Variants in EIF3A observed in about 807,000 individuals in gnomAD.
The protein encoded by EIF3A is eukaryotic translation initiation factor 3 subunit A, also known as EIF3, p180 subunit.
EIF3A carries 21 observed loss-of-function variants against 186.6 expected under a neutral mutation model. The ratio of observed to expected loss-of-function variants is 0.11; its 90% CI spans 0.08 to 0.16. The LOEUF (loss-of-function observed/expected upper bound fraction) is 0.16, where lower values mean the gene tolerates loss of function less well. Ranked by LOEUF, EIF3A falls within the 10% of genes least tolerant of loss-of-function variation. The pLI is 1.00. For missense variants in EIF3A, 1,306 were observed against 1,796.3 expected (o/e 0.73, Z 4.93); for synonymous variants, 563 against 584.3 (o/e 0.96, Z 0.52).
intron 7 of EIF3A, among the ~76,000 whole-genome samples, chr10:119,064,771 G>A (rs991649338): frequency 2.0e-5 from 3 of 152,150 alleles, no homozygotes; most frequent in South Asian, 2.1e-4. Context: ...GCAGCGGCAC[G>A]ATCTCAGCTC....
chr10:119,071,505 T>C (rs1479915513), intron 4 of EIF3A, among the ~76,000 whole-genome samples: 1 of 152,228 alleles, frequency 6.6e-6, no homozygotes, highest in Non-Finnish European at 1.5e-5. Context: ...TGAGGGCTTA[T>C]AGTAACCTAA....
rs757331563 is a variant in EIF3A at position 119,042,585 on chromosome 10, G to A, written c.2935C>T (p.Arg979Cys). The change falls in exon 19 of 22, where the codon CGT becomes TGT. Residue 979 changes from arginine (R) to cysteine (C), a missense_variant. Around this residue, in one of 8 missense-constraint regions of EIF3A, gnomAD observed 410 missense variants for 473.5 expected, o/e 0.87. Coordinates refer to ENST00000369144, the MANE Select transcript of EIF3A (RefSeq NM_003750.4). The surrounding 1 kb of genome is among the most constrained non-coding windows in gnomAD (Gnocchi z 7.8). ...GGCCGGTCATCGTCTGCCCCACGAC[G>A]AGAGAACCTATCTTCCTCAGGACCA... is the stretch of plus-strand genomic sequence containing the variant. Reference protein sequence around the residue: ...RRGPEEDRFSRRGADDDRPSW... With the variant: ...RRGPEEDRFSCRGADDDRPSW... The A allele has an allele frequency of 1.4e-5, 22 of 1,613,998 alleles. No homozygotes were observed. Among genetic ancestry groups the A allele is most frequent in the Non-Finnish European group, 1.8e-5 (21 of 1,179,998 alleles).
chr10:119,077,700 G>A (rs1346043719), intron 1 of EIF3A, among the ~76,000 whole-genome samples: 8 of 151,784 alleles, frequency 5.3e-5, no homozygotes, highest in African/African-American at 1.9e-4. Context: ...GACTACAGGT[G>A]CCCGCCACCA....
intron 21 of EIF3A, 47 bp downstream of exon 21, chr10:119,037,072 C>CCA: frequency 1.6e-6 from 1 of 639,982 alleles, no homozygotes; most frequent in Non-Finnish European, 2.3e-6. Flanking sequence ...CCCCCCCCCC[C>CCA]AGAAACGACA....
intron 12 of EIF3A, among the ~76,000 whole-genome samples, chr10:119,057,707 G>A (rs542960244): frequency 1.4e-4 from 22 of 152,178 alleles, no homozygotes; most frequent in Non-Finnish European, 2.8e-4. Flanking sequence ...CCCGGGAGGC[G>A]GAGGTTGCAG....
At position 119,069,596 on chromosome 10, in the gene EIF3A, G is replaced by T; in HGVS notation, c.800C>A (p.Pro267His). The change falls in exon 6 of 22, where the codon CCT becomes CAT. Residue 267 changes from proline to histidine, a missense_variant. By Grantham distance (77) the Pro-to-His change is moderately conservative. Around this residue, in one of 8 missense-constraint regions of EIF3A, gnomAD observed 267 missense variants for 367.8 expected, o/e 0.73. Coordinates refer to ENST00000369144, the MANE Select transcript of EIF3A (RefSeq NM_003750.4). The part of the protein sequence containing the change: ...HGLFSLSKKP[P>H]KPQLMANYYN... Reference sequence around the variant, plus strand: ...GTAATTTGCCATCAACTGAGGTTTAGGTGGTTTTTTAGACAAGGAGAATAG... The same window carrying T: ...GTAATTTGCCATCAACTGAGGTTTATGTGGTTTTTTAGACAAGGAGAATAG... The T allele has an allele frequency of 6.2e-7, 1 of 1,603,010 alleles. No homozygotes were observed. The highest frequency in any genetic ancestry group is 8.5e-7 in the Non-Finnish European group (1 of 1,169,950).
chr10:119,060,173 C>T (rs763856443), intron 9 of EIF3A: 1 of 496,890 alleles, frequency 2.0e-6, no homozygotes, highest in Non-Finnish European at 3.9e-6. Context: ...AAACGCCCTC[C>T]TTCCCAAATG....
chr10:119,045,837 G>A (rs1409774029), intron 17 of EIF3A, among the ~76,000 whole-genome samples: 1 of 152,200 alleles, frequency 6.6e-6, no homozygotes, highest in African/African-American at 2.4e-5. Context: ...AAAGTGCTGA[G>A]ATTATAGGCG....
intron 14 of EIF3A, among the ~76,000 whole-genome samples, chr10:119,053,676 C>T (rs1201575180): frequency 3.9e-5 from 6 of 151,906 alleles, no homozygotes; most frequent in African/African-American, 1.2e-4. Context: ...GCTGAGATCA[C>T]GCCACTGCAC....
In EIF3A at chr10:119,042,545, G is replaced by A. The variant is rs1848224216; in HGVS notation, c.2975C>T (p.Thr992Ile). Reference protein sequence around the residue: ...ADDDRPSWRNTDDDRPPRRIA... With the variant: ...ADDDRPSWRNIDDDRPPRRIA... ...TCGTCTGGGAGGCCTGTCATCATCT[G>A]TGTTACGCCAGGAAGGCCGGTCATC... The change falls in exon 19 of 22, where the codon ACA becomes ATA. Residue 992 changes from threonine to isoleucine, a missense_variant. Physicochemically the swap from Thr to Ile is moderately conservative, Grantham distance 89 (BLOSUM62 -1). Around this residue, in one of 8 missense-constraint regions of EIF3A, gnomAD observed 410 missense variants for 473.5 expected, o/e 0.87. Coordinates refer to ENST00000369144, the MANE Select transcript of EIF3A (RefSeq NM_003750.4). The surrounding 1 kb of genome is among the most constrained non-coding windows in gnomAD (Gnocchi z 7.8). 1.2e-6 allele frequency: 2 copies of A among 1,614,036 alleles called. No homozygotes were observed. The highest frequency in any genetic ancestry group is 1.3e-5 in the African/African-American group (1 of 75,000).
rs1848145702 is a variant in EIF3A, at chr10:119,037,275, C to G, written c.3763G>C (p.Glu1255Gln). 9 of 1,614,000 alleles carry G rather than the reference C, an allele frequency of 5.6e-6. No individual in the cohort carries two copies. Among genetic ancestry groups the G allele is most frequent in the Non-Finnish European group, 7.6e-6 (9 of 1,180,030 alleles). ...CTTGAGTCTCTCCAGCTTGAAGATT[C>G]CTCAGCTGGTCCTCTTCTCCAGCCA... is the stretch of plus-strand genomic sequence containing the variant. ...EGGWRRGPAE[E>Q]SSSWRDSSRR... is the part of the protein sequence containing the mutation. The change falls in exon 21 of 22, where the codon GAA (glutamate) becomes CAA (glutamine). Residue 1255 changes from glutamate to glutamine, a missense_variant. By Grantham distance (29) the Glu-to-Gln change is conservative. Coordinates refer to ENST00000369144, the MANE Select transcript of EIF3A (RefSeq NM_003750.4).
chr10:119,051,111 A>C (rs669964), intron 15 of EIF3A, 88 bp downstream of exon 15: 463,114 of 1,173,484 alleles, frequency 0.39, 93,996 homozygotes, highest in Non-Finnish European at 0.42. Flanking sequence ...TAACTCAATA[A>C]AGAATATACC....
intron 3 of EIF3A, 88 bp from the exon 4 acceptor site, chr10:119,073,141 C>G: frequency 1.5e-6 from 2 of 1,304,214 alleles, no homozygotes; most frequent in Non-Finnish European, 2.1e-6. Context: ...CATCAGAAAA[C>G]AGTGCAAATT....
intron 4 of EIF3A, among the ~76,000 whole-genome samples, chr10:119,072,207 T>TAA (rs1243808164): frequency 0.013 from 1,103 of 82,340 alleles, 22 homozygotes; most frequent in African/African-American, 0.055. Flanking sequence ...AAAAATAAAT[T>TAA]AAAAAAAAAA....
At chr10:119,065,719 CAAAGCATGGG>C (rs1261214806) in intron 6 of EIF3A, 149 bp from the exon 7 acceptor site, 13 of 586,414 alleles carry the variant, frequency 2.2e-5, no homozygotes, top group African/African-American at 3.7e-5. Flanking sequence ...ATTATTCCAT[CAAAGCATGGG>C]AGTAAGAGAA....
chr10:119,080,692 A>G lies in EIF3A; in HGVS notation c.-16T>C. On this transcript the variant is annotated 5_prime_UTR_variant, in exon 1 of 22. Coordinates refer to ENST00000369144, the MANE Select transcript of EIF3A (RefSeq NM_003750.4). ...AGGCCGGCATCTTGGCGGCAGGCTC[A>G]GCTCACCCGGCGTCAGCGAACTCTC... The G allele has an allele frequency of 6.3e-7, 1 of 1,588,564 alleles. No homozygotes were observed.
Position 119,055,468 on chromosome 10 carries a change from A to G in EIF3A, c.2196+1272T>C, listed in dbSNP as rs184233980. Among the ~76,000 whole-genome samples, 252 of 152,350 alleles carry G rather than the reference A, an allele frequency of 1.7e-3. 1 individual carries two copies. The highest frequency in any genetic ancestry group is 5.9e-3 in the African/African-American group (246 of 41,578). ...TGAGAATTACCAAAATGTGACAGAG[A>G]CATGAAATGAGCACATGCTGCTGGA... On this transcript the variant is annotated intron_variant, in intron 14 of 21. Coordinates refer to ENST00000369144, the MANE Select transcript of EIF3A (RefSeq NM_003750.4).
chr10:119,047,005 C>T (rs1848290335), intron 17 of EIF3A, among the ~76,000 whole-genome samples: 1 of 151,858 alleles, frequency 6.6e-6, no homozygotes, highest in South Asian at 2.1e-4. Flanking sequence ...TAGTGGCTCA[C>T]GCCTGTAATC....
chr10:119,045,863 G>A (rs949388825), intron 17 of EIF3A, among the ~76,000 whole-genome samples: 4 of 152,128 alleles, frequency 2.6e-5, no homozygotes, highest in South Asian at 2.1e-4. Context: ...CAATGTGCCC[G>A]GCCCAGCAGA....
Sources: gnomAD v4.1 joint callset for allele counts (sites outside exome capture counted in the v4.1 genomes callset) on GRCh38, gnomAD v4.1.1 for gene constraint, gnomAD v4.1.1 regional missense constraint, Gnocchi (gnomAD v3.1) non-coding constraint, MANE v1.5 for transcripts, NCBI Gene and HGNC (gene_info 2026-07-23, HGNC 2026-07-21) for gene names.